DMD: variants seen among roughly 807,000 people sequenced by gnomAD.
The protein encoded by DMD is mutant dystrophin.
Under a neutral mutation model 330.1 loss-of-function variants are expected in DMD, and 63 were observed. That is an observed-to-expected ratio of 0.19 (90% CI 0.16 to 0.24). DMD has a LOEUF of 0.24. DMD is among the 10% of genes least tolerant of loss of function. The pLI is 1.00. For synonymous variants in DMD, 1,223 were observed against 959.8 expected (o/e 1.27, Z -5.07); for missense variants, 3,344 against 2,684.1 (o/e 1.25, Z -5.43).
At chrX:32,616,789 C>T (rs2057615936) in intron 11 of DMD, among the ~76,000 whole-genome samples, 2 of 97,495 alleles carry the variant, frequency 2.1e-5, no homozygotes, top group Non-Finnish European at 4.0e-5. Context: ...TTGTAGCTTA[C>T]AGGACCTCTG....
intron 1 of DMD, among the ~76,000 whole-genome samples, chrX:33,065,227 C>T (rs2094636003): frequency 8.9e-6 from 1 of 112,248 alleles, no homozygotes; most frequent in African/African-American, 3.2e-5. Context: ...AAAATTATTA[C>T]AGCCAATCAC....
intron 63 of DMD, among the ~76,000 whole-genome samples, chrX:31,247,107 T>G (rs1201393608): frequency 8.9e-6 from 1 of 111,759 alleles, no homozygotes; most frequent in African/African-American, 3.3e-5. Context: ...TCACTGACAA[T>G]GCACCTTGTC....
At chrX:32,889,296 A>C (rs1326189918) in intron 2 of DMD, among the ~76,000 whole-genome samples, 3 of 111,333 alleles carry the variant, frequency 2.7e-5, no homozygotes, top group African/African-American at 9.8e-5. Flanking sequence ...CACAGTGCTC[A>C]ATGGGTTTTT....
At chrX:32,084,954 A>C (rs1250565425) in intron 44 of DMD, among the ~76,000 whole-genome samples, 1 of 111,557 alleles carries the variant, frequency 9.0e-6, no homozygotes, top group African/African-American at 3.3e-5. Context: ...CCCGGGCTCT[A>C]TCTGCCCAGT....
chrX:31,818,472 T>C (rs1252650789), intron 50 of DMD, among the ~76,000 whole-genome samples: 1 of 111,275 alleles, frequency 9.0e-6, no homozygotes, highest in Non-Finnish European at 1.9e-5. Flanking sequence ...CTTCCTACCA[T>C]GTGTAACGTG....
At chrX:32,766,533 T>C (rs1205540156) in intron 7 of DMD, among the ~76,000 whole-genome samples, 2 of 111,561 alleles carry the variant, frequency 1.8e-5, no homozygotes, top group Non-Finnish European at 3.8e-5. Context: ...AACTTATTTC[T>C]GTATATTGAT....
chrX:31,447,242 T>C (rs2065341031), intron 59 of DMD, among the ~76,000 whole-genome samples: 1 of 106,920 alleles, frequency 9.4e-6, no homozygotes, highest in African/African-American at 3.4e-5. Flanking sequence ...TCTTTAAACT[T>C]TACCATAAGA....
chrX:32,233,646 T>TATTG (rs1292509815), intron 43 of DMD, among the ~76,000 whole-genome samples: 1 of 102,216 alleles, frequency 9.8e-6, no homozygotes, highest in Non-Finnish European at 2.0e-5. Context: ...TTTATTTATT[T>TATTG]ATTGAGACGG....
chrX:33,211,366 A>C lies in DMD; in HGVS notation c.-54T>G, dbSNP rs999320433. 8.4e-7 allele frequency: 1 copy of C among 1,197,147 alleles called. No individual in the cohort carries two copies. The highest frequency in any genetic ancestry group is 1.1e-6 in the Non-Finnish European group (1 of 886,513). ...AAAAAAAACCTGGTAAAAGTTCTTC[A>C]AACTTTATTGCTCCAGTAGGCTTAA... On this transcript the variant is annotated 5_prime_UTR_variant, in exon 1 of 79. Coordinates refer to ENST00000357033, the MANE Select transcript of DMD (RefSeq NM_004006.3).
In DMD at chrX:32,231,301, C is replaced by G. The variant is rs368189293; in HGVS notation, c.6291-14238G>C. Among the ~76,000 whole-genome samples the G allele has an allele frequency of 8.9e-5, 10 of 112,215 alleles. No homozygotes were observed. The East Asian group carries it at 2.5e-3, about 28-fold the overall frequency. On this transcript the variant is annotated intron_variant, in intron 43 of 78. Coordinates refer to ENST00000357033, the MANE Select transcript of DMD (RefSeq NM_004006.3). ...GATTTCGAGGCAAGTAAGGCAATTT[C>G]GTGTTATCTTCCCAAAAGTATGGTG...
chrX:31,384,566 A>C (rs755444435), intron 60 of DMD, among the ~76,000 whole-genome samples: 7 of 111,826 alleles, frequency 6.3e-5, no homozygotes, highest in Non-Finnish European at 1.1e-4. Flanking sequence ...CTGTGAAACA[A>C]GTCTAAATTG....
chrX:31,767,300 C>A (rs1390329823), intron 51 of DMD, among the ~76,000 whole-genome samples: 1 of 111,819 alleles, frequency 8.9e-6, no homozygotes, highest in African/African-American at 3.2e-5. Flanking sequence ...TCAATCTCCT[C>A]ACCCTAAGAT....
At chrX:32,723,966 T>G (rs139499845) in intron 7 of DMD, among the ~76,000 whole-genome samples, 335 of 111,304 alleles carry the variant, frequency 3.0e-3, no homozygotes, top group African/African-American at 9.2e-3. Context: ...CTGGGCCACA[T>G]GTAGCCCATG....
At position 31,953,037 on chromosome X, in the gene DMD, C is replaced by T. The variant is rs7061662; in HGVS notation, c.6614+15302G>A. Among the ~76,000 whole-genome samples the T allele has an allele frequency of 1.0e-2, 1,117 of 112,138 alleles. 13 individuals carry two copies. Among genetic ancestry groups the T allele is most frequent in the African/African-American group, 0.033 (1,026 of 30,850 alleles). Reference sequence around the variant, plus strand: ...GGCCAGCAGTTGATCTTAAATACCTCAAGCCAGTAAGACTTCCAAGTTTTG... The same window carrying T: ...GGCCAGCAGTTGATCTTAAATACCTTAAGCCAGTAAGACTTCCAAGTTTTG... On this transcript the variant is annotated intron_variant, in intron 45 of 78. Transcript: ENST00000357033.
At chrX:32,164,095 C>T (rs750012490) in intron 44 of DMD, among the ~76,000 whole-genome samples, 46 of 110,924 alleles carry the variant, frequency 4.1e-4, no homozygotes, top group South Asian at 1.1e-3. Flanking sequence ...AATTTTGGCT[C>T]GGCACAATGG....
chrX:31,530,791 C>T (rs916171674), intron 55 of DMD, among the ~76,000 whole-genome samples: 2 of 62,667 alleles, frequency 3.2e-5, no homozygotes, highest in African/African-American at 1.2e-4. Context: ...TGTCATCTAG[C>T]ATTAGGTATA....
chrX:31,941,562 T>C (rs984534981), intron 45 of DMD, among the ~76,000 whole-genome samples: 1 of 111,613 alleles, frequency 9.0e-6, no homozygotes, highest in Non-Finnish European at 1.9e-5. Context: ...TCAACTTTTA[T>C]TTTTGATCCA....
intron 55 of DMD, among the ~76,000 whole-genome samples, chrX:31,513,425 C>A (rs1200839885): frequency 1.8e-5 from 2 of 110,312 alleles, no homozygotes; most frequent in Non-Finnish European, 3.8e-5. Flanking sequence ...ATAAACTCAT[C>A]ATTTAAAGAC....
intron 15 of DMD, among the ~76,000 whole-genome samples, chrX:32,569,190 G>A (rs1046338741): frequency 8.9e-6 from 1 of 111,998 alleles, no homozygotes; most frequent in Admixed American, 9.5e-5. Flanking sequence ...AGAAGAGACA[G>A]ATAAGCTGTT....
Sources: gnomAD v4.1 joint callset for allele counts (sites outside exome capture counted in the v4.1 genomes callset) on GRCh38, gnomAD v4.1.1 for gene constraint, MANE v1.5 for transcripts, NCBI Gene and HGNC (gene_info 2026-07-23, HGNC 2026-07-21) for gene names.